The following TEKT5 variants were observed in gnomAD, a reference collection of about 807,000 sequenced individuals.
TEKT5 encodes tektin-5.
TEKT5 carries 52 observed loss-of-function variants against 48.7 expected under a neutral mutation model. The ratio of observed to expected loss-of-function variants is 1.07; its 90% CI spans 0.86 to 1.35. TEKT5 has a LOEUF of 1.35. Among genes scored for constraint, TEKT5 ranks in the 40% most tolerant of loss-of-function variants. The probability of loss-of-function intolerance (pLI) is 0.00; values close to 1 mark genes in which losing one functional copy is unlikely to be tolerated. For missense variants in TEKT5, 831 were observed against 641.6 expected (o/e 1.30, Z -3.19); for synonymous variants, 318 against 267.6 (o/e 1.19, Z -1.84).
intron 4 of TEKT5, among the ~76,000 whole-genome samples, chr16:10,677,835 C>G (rs1171919376): frequency 6.6e-6 from 1 of 152,196 alleles, no homozygotes; most frequent in East Asian, 1.9e-4. Flanking sequence ...ATCTGGAAAC[C>G]AAAGGACAGA....
intron 5 of TEKT5, among the ~76,000 whole-genome samples, chr16:10,646,895 C>T (rs553419603): frequency 6.6e-6 from 1 of 152,326 alleles, no homozygotes; most frequent in African/African-American, 2.4e-5. Context: ...GGCATATAAA[C>T]ACTCAATGCG....
intron 5 of TEKT5, among the ~76,000 whole-genome samples, chr16:10,642,898 G>C (rs963923516): frequency 6.6e-6 from 1 of 152,140 alleles, no homozygotes; most frequent in Non-Finnish European, 1.5e-5. Context: ...AGCGAGGTGG[G>C]AGGAATAAGT....
chr16:10,650,507 A>T (rs931598550), intron 5 of TEKT5, among the ~76,000 whole-genome samples: 2 of 151,840 alleles, frequency 1.3e-5, no homozygotes, highest in Non-Finnish European at 2.9e-5. Flanking sequence ...GTGGGTGTGC[A>T]CTCTGCCAAA....
intron 5 of TEKT5, among the ~76,000 whole-genome samples, chr16:10,656,807 C>G (rs1367166959): frequency 6.6e-6 from 1 of 151,952 alleles, no homozygotes; most frequent in Non-Finnish European, 1.5e-5. Context: ...ATGGTGCAAT[C>G]ACTCCTCACC....
chr16:10,685,707 C>T (rs1195778038), intron 3 of TEKT5, among the ~76,000 whole-genome samples: 13 of 152,052 alleles, frequency 8.5e-5, no homozygotes, highest in Non-Finnish European at 1.8e-4. Context: ...CCTCTCTGTC[C>T]GTCTGTCTCC....
intron 3 of TEKT5, among the ~76,000 whole-genome samples, chr16:10,682,538 G>A (rs1307685040): frequency 6.6e-6 from 1 of 152,148 alleles, no homozygotes; most frequent in Non-Finnish European, 1.5e-5. Flanking sequence ...GTGTTGCGCA[G>A]GCTGGTCTTG....
Position 10,670,655 on chromosome 16 carries a change from G to C in TEKT5, c.1086+5304C>G, listed in dbSNP as rs1230552137. On this transcript the variant is annotated intron_variant, in intron 5 of 6. Coordinates refer to ENST00000283025, the MANE Select transcript of TEKT5 (RefSeq NM_144674.2). ...AACACCATGTGAAATTCACCAACCA[G>C]AAGACAAATCCTTGCTCAGGAAAAT... Among the ~76,000 whole-genome samples the C allele has an allele frequency of 2.0e-5, 3 of 152,094 alleles. No individual in the cohort carries two copies. The East Asian group carries it at 5.8e-4, about 29-fold the overall frequency.
At chr16:10,690,165 C>T in intron 1 of TEKT5, 140 bp from the exon 2 acceptor site, 1 of 770,524 alleles carries the variant, frequency 1.3e-6, no homozygotes, top group East Asian at 2.7e-5. Flanking sequence ...CACTACTGGG[C>T]ATTGGATGGG....
chr16:10,664,269 G>A (rs1364973544), intron 5 of TEKT5, among the ~76,000 whole-genome samples: 1 of 152,192 alleles, frequency 6.6e-6, no homozygotes, highest in East Asian at 1.9e-4. Flanking sequence ...ATCTGCTGCA[G>A]GGAGGGAAGG....
At chr16:10,661,542 TAGAC>T (rs1391311108) in intron 5 of TEKT5, among the ~76,000 whole-genome samples, 3 of 152,312 alleles carry the variant, frequency 2.0e-5, no homozygotes, top group African/African-American at 7.2e-5. Context: ...ATTTGGAGGA[TAGAC>T]AGAGGGGACA....
intron 3 of TEKT5, among the ~76,000 whole-genome samples, chr16:10,688,622 G>A (rs1898908092): frequency 6.6e-6 from 1 of 152,216 alleles, no homozygotes; most frequent in Non-Finnish European, 1.5e-5. Flanking sequence ...TGGAGGTGAG[G>A]CGGCTGCTTT....
At chr16:10,661,903 C>A (rs748144428) in intron 5 of TEKT5, among the ~76,000 whole-genome samples, 1 of 152,094 alleles carries the variant, frequency 6.6e-6, no homozygotes, top group African/African-American at 2.4e-5. Context: ...TTAGGTAACC[C>A]GTGTAATGTG....
At chr16:10,688,677 G>A (rs532774191) in intron 3 of TEKT5, among the ~76,000 whole-genome samples, 17 of 152,348 alleles carry the variant, frequency 1.1e-4, no homozygotes, top group African/African-American at 3.6e-4. Context: ...CCCAAGCCCC[G>A]TAAAACTTAA....
At chr16:10,640,104 T>TTCCTTCCTTC (rs1267047815) in intron 5 of TEKT5, among the ~76,000 whole-genome samples, 3 of 69,912 alleles carry the variant, frequency 4.3e-5, no homozygotes, top group African/African-American at 1.6e-4. Flanking sequence ...CCCTCTCCCC[T>TTCCTTCCTTC]CCTCCCGTCT....
intron 6 of TEKT5, 147 bp downstream of exon 6, chr16:10,635,617 C>A: frequency 1.6e-6 from 2 of 1,243,190 alleles, no homozygotes; most frequent in Non-Finnish European, 2.2e-6. Context: ...CCACACCCTG[C>A]ACTCTACTGA....
intron 6 of TEKT5, among the ~76,000 whole-genome samples, chr16:10,630,790 G>A (rs528744365): frequency 3.9e-5 from 6 of 151,950 alleles, no homozygotes; most frequent in South Asian, 2.1e-4. Flanking sequence ...AGGCTGAGGC[G>A]GGCAGATCAC....
At chr16:10,690,284 A>T (rs1234636725) in intron 1 of TEKT5, among the ~76,000 whole-genome samples, 1 of 152,214 alleles carries the variant, frequency 6.6e-6, no homozygotes, top group Non-Finnish European at 1.5e-5. Flanking sequence ...GCATCCCAAG[A>T]ACCAATTTTG....
rs768724310 is a variant in TEKT5, at chr16:10,694,770, C to T, written c.104G>A (p.Cys35Tyr). The T allele has an allele frequency of 6.2e-7, 1 of 1,614,038 alleles. No homozygotes were observed. Among genetic ancestry groups the T allele is most frequent in the South Asian group, 1.1e-5 (1 of 91,072 alleles). Residue 35 changes from cysteine to tyrosine, a missense_variant, in exon 1 of 7, where the codon TGC (cysteine) becomes TAC (tyrosine). Transcript: ENST00000283025. ...PAVQAPVIQE[C>Y]YQPYYLPGYR... The stretch of plus-strand genomic sequence containing the variant: ...CCCGGGCAGGTAGTAGGGCTGATAG[C>T]ATTCCTGGATCACTGGCGCCTGTAC...
chr16:10,654,783 C>G (rs1341999977), intron 5 of TEKT5, among the ~76,000 whole-genome samples: 2 of 152,114 alleles, frequency 1.3e-5, no homozygotes, highest in Non-Finnish European at 2.9e-5. Flanking sequence ...CCTCCATAAC[C>G]TCACAAGCCA....
Sources: gnomAD v4.1 joint callset for allele counts (sites outside exome capture counted in the v4.1 genomes callset) on GRCh38, gnomAD v4.1.1 for gene constraint, MANE v1.5 for transcripts, NCBI Gene and HGNC (gene_info 2026-07-23, HGNC 2026-07-21) for gene names.